IGFL1: variants seen among roughly 807,000 people sequenced by gnomAD.
The protein encoded by IGFL1 is IGF like family member 1.
IGFL1 carries 16 observed loss-of-function variants against 16.0 expected under a neutral mutation model. The ratio of observed to expected loss-of-function variants is 1.00; its 90% confidence interval spans 0.68 to 1.52. IGFL1 has a LOEUF of 1.52. IGFL1 is among the 40% of genes most tolerant of loss of function. IGFL1 has a pLI of 0.00. For synonymous variants in IGFL1, 59 were observed against 54.0 expected (o/e 1.09, Z -0.41); for missense variants, 149 against 141.7 (o/e 1.05, Z -0.26).
At chr19:46,230,685 C>T in intron 3 of IGFL1, 136 bp from the exon 4 acceptor site, 1 of 1,370,014 alleles carries the variant, frequency 7.3e-7, no homozygotes, top group Non-Finnish European at 1.0e-6. Context: ...TTATTTCCCT[C>T]TCAGAATCTC....
At chr19:46,229,895 T>G in intron 1 of IGFL1, 96 bp downstream of exon 1, 1 of 1,410,702 alleles carries the variant, frequency 7.1e-7, no homozygotes, top group Non-Finnish European at 9.8e-7. Flanking sequence ...CTCATCCCTG[T>G]TCCCATGCCC....
At position 46,229,817 on chromosome 19, in the gene IGFL1, C is replaced by A; in HGVS notation, c.25+18C>A. On this transcript the variant is annotated intron_variant, in intron 1 of 3. Transcript: ENST00000437936. ...CATCGTAGGTAAGGAGGACAGGACC[C>A]CATTCCCACCTGAGCCCATCTCCAA... is the stretch of plus-strand genomic sequence containing the variant. 1 of 1,603,788 alleles carries A rather than the reference C, an allele frequency of 6.2e-7. No individual in the cohort carries two copies. The highest frequency in any genetic ancestry group is 1.3e-5 in the African/African-American group (1 of 74,662).
chr19:46,231,007 G>A lies in IGFL1; in HGVS notation c.*177G>A, dbSNP rs1442301159. On this transcript the variant is annotated 3_prime_UTR_variant, in exon 4 of 4. Transcript: ENST00000437936. ...CTGAGGCCCACCCTGCAGCTGCCCT[G>A]AGGAGGCCCACAGGTCCCCTTCTAG... 5 of 686,842 alleles carry A rather than the reference G, an allele frequency of 7.3e-6. No individual in the cohort carries two copies. Among genetic ancestry groups the A allele is most frequent in the South Asian group, 1.7e-5 (1 of 59,810 alleles). 42.5% of individuals were successfully genotyped at this position (686,842 alleles called of 1,614,324 possible). A position where few individuals can be genotyped will look rare whatever the true frequency, so the allele number is the denominator to read the frequency against.
Position 46,230,507 on chromosome 19 carries a change from C to T in IGFL1, c.313C>T (p.Leu105Phe), listed in dbSNP as rs571893904. 2 of 1,613,888 alleles carry T rather than the reference C, an allele frequency of 1.2e-6. No homozygotes were observed. The highest frequency in any genetic ancestry group is 2.2e-5 in the East Asian group (1 of 44,884). ...CDSARTSDDR[L>F]CRSVS is the part of the protein sequence containing the mutation. ...CTCAGCCCGGACCTCGGATGACAGG[C>T]TTTGTCGCAGGTGAGTCCTGTCCCC... The change falls in exon 3 of 4, where the codon CTT becomes TTT. Residue 105 changes from leucine (L) to phenylalanine (F), a missense_variant. Physicochemically the swap from Leu to Phe is conservative, Grantham distance 22. Transcript: ENST00000437936.
In IGFL1 at chr19:46,230,327, G is replaced by C. The variant is rs540743011; in HGVS notation, c.133G>C (p.Asp45His). ...MLCQPHKRCGDKFYDPLQHCC... is the reference protein window; with the variant it reads ...MLCQPHKRCGHKFYDPLQHCC... Reference sequence around the variant, plus strand: ...GTGCCAGCCACACAAGAGATGTGGGGACAAGTTCTACGACCCCCTGCAGCA... The same window carrying C: ...GTGCCAGCCACACAAGAGATGTGGGCACAAGTTCTACGACCCCCTGCAGCA... Residue 45 changes from aspartate (D) to histidine (H), a missense_variant, in exon 3 of 4, where the codon GAC becomes CAC. Coordinates refer to ENST00000437936, the MANE Select transcript of IGFL1 (RefSeq NM_198541.2). 24 of 1,613,982 alleles carry C rather than the reference G, an allele frequency of 1.5e-5. No homozygotes were observed. In the South Asian group the frequency reaches 2.6e-4, roughly 18 times the overall value.
chr19:46,229,921 C>G, intron 1 of IGFL1, 122 bp downstream of exon 1: 1 of 1,286,700 alleles, frequency 7.8e-7, no homozygotes, highest in Non-Finnish European at 1.1e-6. Context: ...AATCTCCAGG[C>G]GTGAATTGCT....
Position 46,230,821 on chromosome 19 carries a change from T to A in IGFL1, c.324T>A (p.Ser108Arg). ...TGTCTCTCTCTGTCACTATCTCCAG[T>A]GTCAGCTAATGGAACATCAGGGGAA... Reference protein sequence around the residue: ...ARTSDDRLCRSVS With the variant: ...ARTSDDRLCRRVS The change falls in exon 4 of 4, where the codon AGT becomes AGA. Residue 108 changes from serine (S) to arginine (R), a missense_variant and splice_region_variant. Physicochemically the swap from Ser to Arg is moderately radical, Grantham distance 110 (BLOSUM62 -1). Coordinates refer to ENST00000437936, the MANE Select transcript of IGFL1 (RefSeq NM_198541.2). The A allele has an allele frequency of 6.2e-7, 1 of 1,611,926 alleles. No individual in the cohort carries two copies.
chr19:46,229,929 G>T, intron 1 of IGFL1, 130 bp downstream of exon 1: 12 of 1,259,728 alleles, frequency 9.5e-6, no homozygotes, highest in Non-Finnish European at 1.4e-5. Flanking sequence ...GGCGTGAATT[G>T]CTCACAGCAA....
chr19:46,229,904 C>A, intron 1 of IGFL1, 105 bp downstream of exon 1: 1 of 1,368,314 alleles, frequency 7.3e-7, no homozygotes, highest in South Asian at 1.2e-5. Context: ...GTTCCCATGC[C>A]CAGCCAAATC....
rs747579927 is a variant in IGFL1, at chr19:46,230,849, A to C, written c.*19A>C. 5.0e-6 allele frequency: 8 copies of C among 1,608,276 alleles called. No individual in the cohort carries two copies. The highest frequency in any genetic ancestry group is 6.8e-6 in the Non-Finnish European group (8 of 1,176,964). ...CAGCTAATGGAACATCAGGGGAACG[A>C]TGACTCCTGGATTCTCCTTCCTGGG... is the stretch of plus-strand genomic sequence containing the variant. On this transcript the variant is annotated 3_prime_UTR_variant, in exon 4 of 4. Coordinates refer to ENST00000437936, the MANE Select transcript of IGFL1 (RefSeq NM_198541.2).
rs201091324 is a variant in IGFL1, at chr19:46,230,490, G to T, written c.296G>T (p.Arg99Leu). ...ATAAACCAGAACTGCGACTCAGCCCGGACCTCGGATGACAGGCTTTGTCGC... is the reference window on the plus strand; with the variant it reads ...ATAAACCAGAACTGCGACTCAGCCCTGACCTCGGATGACAGGCTTTGTCGC... Reference protein sequence around the residue: ...KLINQNCDSARTSDDRLCRSV... With the variant: ...KLINQNCDSALTSDDRLCRSV... Residue 99 changes from arginine to leucine, a missense_variant, in exon 3 of 4, where the codon CGG becomes CTG. By Grantham distance (102) the Arg-to-Leu change is moderately radical. Coordinates refer to ENST00000437936, the MANE Select transcript of IGFL1 (RefSeq NM_198541.2). 2.1e-4 allele frequency: 337 copies of T among 1,613,940 alleles called. 1 individual carries two copies. The African/African-American group carries it at 3.7e-3, about 18-fold the overall frequency.
rs1169271478 is a variant in IGFL1, at chr19:46,230,370, C to T, written c.176C>T (p.Ala59Val). Residue 59 changes from alanine to valine, a missense_variant, in exon 3 of 4, where the codon GCC becomes GTC. Physicochemically the swap from Ala to Val is moderately conservative, Grantham distance 64 (BLOSUM62 0). Transcript: ENST00000437936. Reference protein sequence around the residue: ...DPLQHCCYDDAVVPLARTQTC... With the variant: ...DPLQHCCYDDVVVPLARTQTC... The stretch of plus-strand genomic sequence containing the variant: ...CTGCAGCACTGTTGCTATGATGATG[C>T]CGTCGTGCCCTTGGCCAGGACCCAG... The T allele has an allele frequency of 6.2e-7, 1 of 1,614,020 alleles. No homozygotes were observed.
intron 3 of IGFL1, 91 bp downstream of exon 3, chr19:46,230,608 T>C: frequency 6.4e-7 from 1 of 1,555,712 alleles, no homozygotes; most frequent in South Asian, 1.2e-5. Context: ...CTTGTCTCCC[T>C]GTCTCTGCCC....
chr19:46,230,013 C>T (rs557877656), intron 1 of IGFL1, 95 bp from the exon 2 acceptor site: 19 of 1,458,422 alleles, frequency 1.3e-5, no homozygotes, highest in South Asian at 8.1e-5. Flanking sequence ...AAAGCCATAC[C>T]GAGCCCTGGT....
chr19:46,229,991 C>T (rs1967224863), intron 1 of IGFL1, 117 bp from the exon 2 acceptor site: 1 of 1,331,390 alleles, frequency 7.5e-7, no homozygotes. Flanking sequence ...TGTTTCAGTC[C>T]CTGAGCTGCT....
In IGFL1 at chr19:46,230,261, C is replaced by T; in HGVS notation, c.80-13C>T. 1 of 1,613,954 alleles carries T rather than the reference C, an allele frequency of 6.2e-7. No homozygotes were observed. The highest frequency in any genetic ancestry group is 8.5e-7 in the Non-Finnish European group (1 of 1,179,862). ...CACTACCTCCTGGATCTCACCAGCT[C>T]TGTCTCCTCCAGTGGCCCCCATGAC... On this transcript the variant is annotated splice_polypyrimidine_tract_variant and intron_variant, in intron 2 of 3. Transcript: ENST00000437936.
rs182984833 is a variant in IGFL1, at chr19:46,230,930, T to C, written c.*100T>C. ...GAGATCTGGGATGCTGAGTGGCTGTTTGGGGGCCAGAGAAACACACACTCA... is the reference window on the plus strand; with the variant it reads ...GAGATCTGGGATGCTGAGTGGCTGTCTGGGGGCCAGAGAAACACACACTCA... On this transcript the variant is annotated 3_prime_UTR_variant, in exon 4 of 4. Coordinates refer to ENST00000437936, the MANE Select transcript of IGFL1 (RefSeq NM_198541.2). 4 of 1,224,824 alleles carry C rather than the reference T, an allele frequency of 3.3e-6. No homozygotes were observed. The African/African-American group carries it at 4.5e-5, about 14-fold the overall frequency. 75.9% of individuals were successfully genotyped at this position (1,224,824 alleles called of 1,614,324 possible).
chr19:46,231,138 C>T lies in IGFL1; in HGVS notation c.*308C>T. 2.0e-6 allele frequency: 1 copy of T among 498,390 alleles called. No individual in the cohort carries two copies. Among genetic ancestry groups the T allele is most frequent in the Non-Finnish European group, 3.6e-6 (1 of 274,540 alleles). 30.9% of individuals were successfully genotyped at this position (498,390 alleles called of 1,614,324 possible). ...CAACCCGGCACCACCCCAAGGCTGGCTGGGGAACCCTTCACCCTTCTGTGA... is the reference window on the plus strand; with the variant it reads ...CAACCCGGCACCACCCCAAGGCTGGTTGGGGAACCCTTCACCCTTCTGTGA... On this transcript the variant is annotated 3_prime_UTR_variant, in exon 4 of 4. Transcript: ENST00000437936.
intron 1 of IGFL1, 90 bp from the exon 2 acceptor site, chr19:46,230,018 C>T: frequency 1.3e-6 from 2 of 1,490,924 alleles, no homozygotes; most frequent in Middle Eastern, 2.3e-4. Flanking sequence ...CATACCGAGC[C>T]CTGGTTCCAC....
Sources: allele counts gnomAD v4.1 joint callset, GRCh38; gene constraint gnomAD v4.1.1; transcripts MANE v1.5; gene names NCBI Gene and HGNC (gene_info 2026-07-23, HGNC 2026-07-21).